The following NCOR2 variants were observed in gnomAD, a reference collection of about 807,000 sequenced individuals.
The protein encoded by NCOR2 is CTG repeat protein 26.
Under a neutral mutation model 262.9 loss-of-function variants are expected in NCOR2, and 81 were observed. The observed-to-expected ratio is 0.31, with a 90% CI of 0.26 to 0.37. NCOR2 has a LOEUF of 0.37. NCOR2 is among the 10% of genes least tolerant of loss of function. The probability of loss-of-function intolerance (pLI) is 1.00; values close to 1 mark genes in which losing one functional copy is unlikely to be tolerated. For synonymous variants in NCOR2, 1,659 were observed against 1,559.3 expected (o/e 1.06, Z -1.51); for missense variants, 3,385 against 3,621.4 (o/e 0.93, Z 1.68).
intron 1 of NCOR2, among the ~76,000 whole-genome samples, chr12:124,560,398 TA>T (rs1372675654): frequency 6.6e-6 from 1 of 152,238 alleles, no homozygotes; most frequent in African/African-American, 2.4e-5. Context: ...TCACATGTCA[TA>T]AAATATTATT....
At chr12:124,357,673 C>A (rs116134713) in intron 22 of NCOR2, among the ~76,000 whole-genome samples, 2 of 152,274 alleles carry the variant, frequency 1.3e-5, no homozygotes. Context: ...TATGGCAGAG[C>A]TGAATCCTTG....
chr12:124,484,777 C>A (rs912437824), intron 2 of NCOR2, among the ~76,000 whole-genome samples: 3 of 152,224 alleles, frequency 2.0e-5, no homozygotes, highest in Non-Finnish European at 4.4e-5. Flanking sequence ...CCCTCCCACG[C>A]GCTTGGTGAC....
chr12:124,340,372 G>A lies in NCOR2; in HGVS notation c.5410C>T (p.Arg1804Trp), dbSNP rs201265970. 1.7e-5 allele frequency: 28 copies of A among 1,612,974 alleles called. No individual in the cohort carries two copies. The East Asian group carries it at 3.6e-4, about 21-fold the overall frequency. Residue 1804 changes from arginine (R) to tryptophan (W), a missense_variant, in exon 36 of 47, where the codon CGG becomes TGG. Arg to Trp is a moderately radical substitution (Grantham distance 101). Transcript: ENST00000405201. ...TTTTCCCGCTCCCGATCCCGGTCCC[G>A]CTCTCGATCCCGGTCTCGCTCCCGC...
intron 16 of NCOR2, chr12:124,388,857 T>C: frequency 3.3e-6 from 2 of 613,886 alleles, no homozygotes; most frequent in Non-Finnish European, 2.5e-6. Context: ...TCCTTCTCCG[T>C]CCCACGGTGA....
At chr12:124,499,008 G>A (rs996598757), upstream of NCOR2, among the ~76,000 whole-genome samples, 1 of 152,260 alleles carries the variant, frequency 6.6e-6, no homozygotes, top group African/African-American at 2.4e-5. Context: ...GCCTGCTAAT[G>A]GTTACAGGGT....
In NCOR2 at chr12:124,560,555, C is replaced by T. The variant is rs111533841; in HGVS notation, c.-165+6753G>A. Among the ~76,000 whole-genome samples the T allele has an allele frequency of 4.9e-3, 743 of 152,338 alleles. 6 individuals are homozygous for T. Among genetic ancestry groups the T allele is most frequent in the African/African-American group, 0.016 (681 of 41,572 alleles). ...GCTTTCTACGTTCCACAATCGGCTC[C>T]GAAACATATTATCACGTAGGATGTG... On this transcript the variant is annotated intron_variant, in intron 1 of 32. Transcript: ENST00000458234.
exon 47 of NCOR2, chr12:124,324,820 G>GT (rs1274279144): frequency 6.6e-6 from 1 of 152,512 alleles, no homozygotes; most frequent in African/African-American, 2.4e-5. Context: ...CGGAGCATCC[G>GT]TTCCCCCCAG....
intron 8 of NCOR2, among the ~76,000 whole-genome samples, chr12:124,433,072 G>C (rs916824362): frequency 1.3e-5 from 2 of 152,182 alleles, no homozygotes; most frequent in Non-Finnish European, 2.9e-5. Context: ...TTCAGCTGCT[G>C]ACCAAGGGCA....
chr12:124,368,696 C>CA (rs2039233789), intron 20 of NCOR2, among the ~76,000 whole-genome samples: 2 of 152,224 alleles, frequency 1.3e-5, no homozygotes, highest in Admixed American at 1.3e-4. Flanking sequence ...CATTGCCCTC[C>CA]AATGTCACCT....
intron 17 of NCOR2, among the ~76,000 whole-genome samples, chr12:124,380,673 G>T (rs903428565): frequency 2.0e-5 from 3 of 152,172 alleles, no homozygotes; most frequent in Non-Finnish European, 4.4e-5. Flanking sequence ...GCCCTGAGCT[G>T]CCCGGGCGGT....
At chr12:124,400,967 G>A (rs1180087673) in intron 14 of NCOR2, among the ~76,000 whole-genome samples, 1 of 152,202 alleles carries the variant, frequency 6.6e-6, no homozygotes. Flanking sequence ...CACTTTGGGA[G>A]GCCGAAGTTG....
rs148749663 is a variant in NCOR2, at chr12:124,332,973, C to A, written c.6755+157G>T. Among the ~76,000 whole-genome samples, 704 of 152,308 alleles carry A rather than the reference C, an allele frequency of 4.6e-3. 3 individuals carry two copies. The highest frequency in any genetic ancestry group is 0.015 in the African/African-American group (608 of 41,554). ...CCAGGGAGGGTGGGCATGTATCACA[C>A]CCCCAAGTTGGTGAAACCTGCTTGG... On this transcript the variant is annotated intron_variant, in intron 42 of 46. Transcript: ENST00000405201.
chr12:124,427,041 G>GAA, intron 10 of NCOR2, among the ~76,000 whole-genome samples: 1 of 152,322 alleles, frequency 6.6e-6, no homozygotes, highest in Non-Finnish European at 1.5e-5. Flanking sequence ...AATGCAGAGA[G>GAA]CAGCAGCCGC....
intron 41 of NCOR2, among the ~76,000 whole-genome samples, chr12:124,334,134 T>A: frequency 6.6e-6 from 1 of 152,228 alleles, no homozygotes; most frequent in Admixed American, 6.5e-5. Flanking sequence ...CCTTAGTTTC[T>A]TCATCTGTGA....
intron 1 of NCOR2, among the ~76,000 whole-genome samples, chr12:124,526,259 C>T (rs2050462356): frequency 6.6e-6 from 1 of 152,152 alleles, no homozygotes. Context: ...CAGTGAGGGG[C>T]AGGGAGAGCC....
At chr12:124,384,908 C>T (rs910195981) in intron 17 of NCOR2, among the ~76,000 whole-genome samples, 9 of 152,046 alleles carry the variant, frequency 5.9e-5, no homozygotes, top group Non-Finnish European at 1.0e-4. Context: ...CGATGAAGAG[C>T]GTGGGTGCTG....
intron 17 of NCOR2, chr12:124,383,358 C>T (rs554454222): frequency 1.8e-4 from 41 of 222,398 alleles, no homozygotes; most frequent in East Asian, 6.8e-4. Flanking sequence ...TGTGCCTGCA[C>T]GCACCGTTCA....
chr12:124,372,199 C>A, exon 20 of NCOR2: 1 of 1,601,670 alleles, frequency 6.2e-7, no homozygotes, highest in Non-Finnish European at 8.5e-7. Context: ...CGCGTCCTTG[C>A]CCTTGGCCGG....
chr12:124,455,992 C>T (rs2045828358), intron 6 of NCOR2, among the ~76,000 whole-genome samples: 1 of 152,220 alleles, frequency 6.6e-6, no homozygotes. Flanking sequence ...CCTCCTGCCT[C>T]AGCCTCCCAA....
Sources: gnomAD v4.1 joint callset for allele counts (sites outside exome capture counted in the v4.1 genomes callset) on GRCh38, gnomAD v4.1.1 for gene constraint, MANE v1.5 for transcripts, NCBI Gene and HGNC (gene_info 2026-07-23, HGNC 2026-07-21) for gene names.